The following INTS4 variants were observed in gnomAD, a reference collection of about 807,000 sequenced individuals.
INTS4 encodes MSTP093.
In INTS4, 70 loss-of-function variants were observed where a neutral mutation model predicts 119.5. The ratio of observed to expected loss-of-function variants is 0.59; its 90% CI spans 0.48 to 0.71. The LOEUF (loss-of-function observed/expected upper bound fraction) is 0.71, where lower values mean the gene tolerates loss of function less well. Ranked by LOEUF, INTS4 falls within the 30% of genes least tolerant of loss-of-function variation. The pLI is 0.00. For missense variants in INTS4, 867 were observed against 1,173.2 expected (o/e 0.74, Z 3.81); for synonymous variants, 316 against 419.6 (o/e 0.75, Z 3.02).
intron 21 of INTS4, among the ~76,000 whole-genome samples, chr11:77,884,292 A>G (rs1322844884): frequency 2.6e-5 from 4 of 152,326 alleles, no homozygotes; most frequent in African/African-American, 7.2e-5. Flanking sequence ...TCTGAATCAT[A>G]CCATGGCCCA....
At chr11:77,889,026 A>C (rs1483975517) in intron 21 of INTS4, among the ~76,000 whole-genome samples, 1 of 152,234 alleles carries the variant, frequency 6.6e-6, no homozygotes, top group Non-Finnish European at 1.5e-5. Context: ...GCAATTCCTC[A>C]GGGATCTAGA....
chr11:77,989,792 A>G (rs1856593460), intron 2 of INTS4, among the ~76,000 whole-genome samples: 1 of 151,898 alleles, frequency 6.6e-6, no homozygotes. Context: ...CCAGCTACTC[A>G]GAAGGCTGAG....
chr11:77,949,599 A>T (rs1161364524), intron 8 of INTS4, among the ~76,000 whole-genome samples: 2 of 152,098 alleles, frequency 1.3e-5, no homozygotes, highest in Non-Finnish European at 2.9e-5. Context: ...TTATGTGACC[A>T]ACAAACATAT....
At chr11:77,960,172 T>C (rs1037173126) in intron 6 of INTS4, among the ~76,000 whole-genome samples, 169 bp downstream of exon 6, 6 of 152,108 alleles carry the variant, frequency 3.9e-5, no homozygotes, top group African/African-American at 7.2e-5. Flanking sequence ...ATAACCTCCA[T>C]TCTCTTCCTG....
chr11:77,913,307 ATTTTTTT>A (rs565622764), intron 15 of INTS4, among the ~76,000 whole-genome samples: 3 of 122,798 alleles, frequency 2.4e-5, no homozygotes, highest in East Asian at 4.7e-4. Flanking sequence ...GTTAGTTTAA[ATTTTTTT>A]TTTTTTTTTT....
chr11:77,956,718 ATAATAATAATAATAATAAT>A (rs374232627), intron 7 of INTS4, among the ~76,000 whole-genome samples: 44,199 of 84,614 alleles, frequency 0.52, 9,259 homozygotes, highest in African/African-American at 0.61. Context: ...AAAAATAATA[ATAATAATAATAATAATAAT>A]AATAATAATA....
intron 4 of INTS4, among the ~76,000 whole-genome samples, chr11:77,974,491 T>G (rs1855869236): frequency 6.6e-6 from 1 of 151,952 alleles, no homozygotes; most frequent in Non-Finnish European, 1.5e-5. Context: ...TCTGCCCACC[T>G]CAGCCTCCCA....
chr11:77,977,679 A>C (rs1278242361), intron 4 of INTS4, among the ~76,000 whole-genome samples: 1 of 150,678 alleles, frequency 6.6e-6, no homozygotes, highest in South Asian at 2.1e-4. Context: ...ATAATAAAAA[A>C]TATATTTAAG....
intron 15 of INTS4, chr11:77,917,961 A>G: frequency 1.5e-6 from 1 of 665,128 alleles, no homozygotes; most frequent in Non-Finnish European, 2.7e-6. Flanking sequence ...AGTCAATGGA[A>G]TGCAAGTAAA....
At chr11:77,922,637 C>G (rs34924146) in intron 12 of INTS4, 166 bp from the exon 13 acceptor site, 1 of 992,480 alleles carries the variant, frequency 1.0e-6, no homozygotes, top group East Asian at 2.7e-5. Context: ...TTCTGGAACT[C>G]GGTTAATTCA....
chr11:77,934,394 T>TGAAA (rs768875597), intron 10 of INTS4, among the ~76,000 whole-genome samples: 2 of 125,396 alleles, frequency 1.6e-5, no homozygotes, highest in Non-Finnish European at 3.3e-5. Flanking sequence ...CAATAAATAC[T>TGAAA]AAAAAAAAAA....
rs200239498 is a variant in INTS4 at position 77,979,108 on chromosome 11, G to A, written c.365-6C>T. 1.9e-6 allele frequency: 3 copies of A among 1,562,602 alleles called. No homozygotes were observed. Among genetic ancestry groups the A allele is most frequent in the Admixed American group, 3.3e-5 (2 of 59,886 alleles). On this transcript the variant is annotated splice_polypyrimidine_tract_variant and splice_region_variant and intron_variant, in intron 3 of 22. Coordinates refer to ENST00000534064, the MANE Select transcript of INTS4 (RefSeq NM_033547.4). ...AGCTAGGACTTGATGAGACTCTAGA[G>A]AGGGAGATAGAAAGTTGGCTTGTAG...
chr11:77,891,952 G>A (rs1952289055), intron 19 of INTS4, 112 bp from the exon 20 acceptor site: 15 of 1,548,514 alleles, frequency 9.7e-6, no homozygotes, highest in Non-Finnish European at 1.2e-5. Context: ...GAAGTGAGAG[G>A]AGCTTGCAGT....
intron 2 of INTS4, among the ~76,000 whole-genome samples, chr11:77,986,611 G>C (rs1472325535): frequency 6.6e-6 from 1 of 152,122 alleles, no homozygotes; most frequent in African/African-American, 2.4e-5. Context: ...CGATAGACTG[G>C]ATTAAGAAAA....
chr11:77,958,806 T>C lies in INTS4; in HGVS notation c.737A>G (p.Glu246Gly), dbSNP rs561809750. 6.2e-7 allele frequency: 1 copy of C among 1,609,856 alleles called. No homozygotes were observed. Among genetic ancestry groups the C allele is most frequent in the African/African-American group, 1.3e-5 (1 of 74,942 alleles). The change falls in exon 7 of 23, where the codon GAA becomes GGA. Residue 246 changes from glutamate (E) to glycine (G), a missense_variant. By Grantham distance (98) the Glu-to-Gly change is moderately conservative. This residue lies in a region of INTS4 where 208 missense variants were observed against 306.6 expected (regional missense o/e 0.68). Coordinates refer to ENST00000534064, the MANE Select transcript of INTS4 (RefSeq NM_033547.4). The stretch of plus-strand genomic sequence containing the variant: ...CTGGACTGCAGCACTGCGCACTTGT[T>C]CATAGTCATCAGAGAGTAATTTACA... ...QACKLLSDDY[E>G]QVRSAAVQLI...
chr11:77,959,360 G>A (rs1457044680), intron 6 of INTS4, among the ~76,000 whole-genome samples: 1 of 152,022 alleles, frequency 6.6e-6, no homozygotes, highest in Non-Finnish European at 1.5e-5. Context: ...TCTCTTCATG[G>A]ATGTCCCATC....
rs1424739970 is a variant in INTS4, at chr11:77,942,598, G to GA, written c.919-1348dup. Among the ~76,000 whole-genome samples, 3 of 152,168 alleles carry GA rather than the reference G, an allele frequency of 2.0e-5. No homozygotes were observed. In the East Asian group the frequency reaches 5.8e-4, roughly 29 times the overall value. On this transcript the variant is annotated intron_variant, in intron 8 of 22. Transcript: ENST00000534064. ...CATTTTCTAGATGAGAACTGAGGCTGAGATTAGGCAACTTACTCATTTCAA... is the reference window on the plus strand; with the variant it reads ...CATTTTCTAGATGAGAACTGAGGCTGAAGATTAGGCAACTTACTCATTTCAA...
chr11:77,890,214 T>C (rs1952204357), intron 21 of INTS4, among the ~76,000 whole-genome samples: 1 of 152,160 alleles, frequency 6.6e-6, no homozygotes. Flanking sequence ...CAGAACTAGT[T>C]CTCTGCAGGT....
intron 8 of INTS4, among the ~76,000 whole-genome samples, chr11:77,943,239 A>C (rs1360354015): frequency 6.6e-6 from 1 of 152,194 alleles, no homozygotes; most frequent in Non-Finnish European, 1.5e-5. Flanking sequence ...TTGTGCCCCA[A>C]AAAATTAAAT....
Sources: gnomAD v4.1 joint callset for allele counts (sites outside exome capture counted in the v4.1 genomes callset) on GRCh38, gnomAD v4.1.1 for gene constraint, gnomAD v4.1.1 regional missense constraint, MANE v1.5 for transcripts, NCBI Gene and HGNC (gene_info 2026-07-23, HGNC 2026-07-21) for gene names.